MEP1A: variants seen among roughly 807,000 people sequenced by gnomAD.
The protein encoded by MEP1A is N-benzoyl-L-tyrosyl-P-amino-benzoic acid hydrolase subunit alpha.
MEP1A carries 68 observed loss-of-function variants against 84.5 expected under a neutral mutation model. The observed-to-expected ratio is 0.80, with a 90% CI of 0.66 to 0.98. The LOEUF is 0.98. MEP1A is among the 50% of genes least tolerant of loss of function. The pLI is 0.00. For synonymous variants in MEP1A, 337 were observed against 336.8 expected (o/e 1.00, Z -0.01); for missense variants, 887 against 919.9 (o/e 0.96, Z 0.46).
At chr6:46,815,709 A>G (rs890953573) in intron 6 of MEP1A, among the ~76,000 whole-genome samples, 3 of 152,160 alleles carry the variant, frequency 2.0e-5, no homozygotes, top group Non-Finnish European at 4.4e-5. Context: ...CTGCAAGCTA[A>G]TCCTGCCTCT....
At chr6:46,843,143 T>C (rs767722479), downstream of MEP1A, among the ~76,000 whole-genome samples, 2 of 152,208 alleles carry the variant, frequency 1.3e-5, no homozygotes, top group Admixed American at 6.5e-5. Context: ...TGGGTATTCT[T>C]TTCTGTGAGG....
At position 46,838,984 on chromosome 6, in the gene MEP1A, A is replaced by G. The variant is rs145249987; in HGVS notation, c.2089A>G (p.Ile697Val). 6.8e-6 allele frequency: 11 copies of G among 1,611,026 alleles called. No homozygotes were observed. Among genetic ancestry groups the G allele is most frequent in the Non-Finnish European group, 7.6e-6 (9 of 1,177,840 alleles). Residue 697 changes from isoleucine to valine, a missense_variant, in exon 14 of 14, where the codon ATC (isoleucine) becomes GTC (valine). Ile to Val is a conservative substitution (Grantham distance 29, BLOSUM62 3). Coordinates refer to ENST00000230588, the MANE Select transcript of MEP1A (RefSeq NM_005588.3). Reference sequence around the variant, plus strand: ...CTTCATGTCCTTTTCCCTCAGGTGCATCTCTGGACATGCTTTCTTCTACAC... The same window carrying G: ...CTTCATGTCCTTTTCCCTCAGGTGCGTCTCTGGACATGCTTTCTTCTACAC... ...NVKGMASCRC[I>V]SGHAFFYTGE...
chr6:46,809,445 G>C lies in MEP1A; in HGVS notation c.288G>C (p.Leu96=). 5.0e-6 allele frequency: 8 copies of C among 1,608,752 alleles called. No homozygotes were observed. Among genetic ancestry groups the C allele is most frequent in the Non-Finnish European group, 6.8e-6 (8 of 1,176,912 alleles). The change falls in exon 6 of 14, where the codon CTG becomes CTC. Residue 96 remains leucine (L), a synonymous_variant. Transcript: ENST00000230588. ...NLGLNAKGAI[L]YAFEMFRLKS... is the part of the protein sequence containing the mutation. The stretch of plus-strand genomic sequence containing the variant: ...GGCTGAATGCTAAAGGAGCCATTCT[G>C]TATGCCTTTGAGATGTTCCGTCTCA...
chr6:46,796,833 G>A lies in MEP1A; in HGVS notation c.146-1773G>A, dbSNP rs529001304. Among the ~76,000 whole-genome samples, 59 of 152,304 alleles carry A rather than the reference G, an allele frequency of 3.9e-4. 1 individual carries two copies. In the South Asian group the frequency reaches 0.011, roughly 28 times the overall value. On this transcript the variant is annotated intron_variant, in intron 3 of 13. Transcript: ENST00000230588. ...TCAATCCCATTATAATCCAGGCCAGGTGTCAGGAAATACAGATTTTTGCTC... is the reference window on the plus strand; with the variant it reads ...TCAATCCCATTATAATCCAGGCCAGATGTCAGGAAATACAGATTTTTGCTC...
intron 5 of MEP1A, among the ~76,000 whole-genome samples, chr6:46,801,650 T>G (rs2150740941): frequency 6.6e-6 from 1 of 152,228 alleles, no homozygotes. Flanking sequence ...ATTTTTTAAC[T>G]TATGGTTTGT....
chr6:46,807,561 AAAGAAAGGAAGGAAGGAAGG>A (rs1767364559), intron 5 of MEP1A, among the ~76,000 whole-genome samples: 1 of 66,376 alleles, frequency 1.5e-5, no homozygotes, highest in Non-Finnish European at 2.9e-5. Flanking sequence ...AGAAAGAAAG[AAAGAAAGGAAGGAAGGAAGG>A]AAGGAAGGAA....
rs779674492 is a variant in MEP1A, at chr6:46,839,206, A to G, written c.*70A>G. The G allele has an allele frequency of 9.6e-5, 100 of 1,040,230 alleles. No homozygotes were observed. The highest frequency in any genetic ancestry group is 3.4e-4 in the Middle Eastern group (1 of 2,916). The allele number at this position is 1,040,230 out of a possible 1,614,324, so 64.4% of individuals were successfully genotyped here. A position where few individuals can be genotyped will look rare whatever the true frequency, so the allele number is the denominator to read the frequency against. On this transcript the variant is annotated 3_prime_UTR_variant, in exon 14 of 14. Coordinates refer to ENST00000230588, the MANE Select transcript of MEP1A (RefSeq NM_005588.3). ...GCAGGCCTTAACTTTCCCATGGTCA[A>G]TGCAGTTTTTATCAGCCTTGCTTTG...
At chr6:46,842,072 T>A (rs547038966), downstream of MEP1A, among the ~76,000 whole-genome samples, 11 of 152,352 alleles carry the variant, frequency 7.2e-5, no homozygotes, top group South Asian at 2.3e-3. Flanking sequence ...ATCACTTCCC[T>A]AATAATACTC....
downstream of MEP1A, among the ~76,000 whole-genome samples, chr6:46,844,391 A>G (rs1768381033): frequency 6.6e-6 from 1 of 152,060 alleles, no homozygotes; most frequent in Non-Finnish European, 1.5e-5. Flanking sequence ...ATCAGAGTAA[A>G]GACAAGACCC....
intron 5 of MEP1A, among the ~76,000 whole-genome samples, chr6:46,802,080 G>C (rs1767207788): frequency 2.0e-5 from 3 of 151,816 alleles, no homozygotes; most frequent in Non-Finnish European, 2.9e-5. Flanking sequence ...CAGACCTTTT[G>C]CATTTTCATG....
At chr6:46,814,478 T>C (rs1239424585) in intron 6 of MEP1A, among the ~76,000 whole-genome samples, 1 of 152,164 alleles carries the variant, frequency 6.6e-6, no homozygotes, top group African/African-American at 2.4e-5. Context: ...TTTCTTTAAG[T>C]TGGACTTTAC....
chr6:46,828,479 G>A (rs1446888607), intron 9 of MEP1A, among the ~76,000 whole-genome samples: 2 of 152,130 alleles, frequency 1.3e-5, no homozygotes, highest in South Asian at 2.1e-4. Context: ...GAGCAACGCT[G>A]GAGTATCCAG....
chr6:46,815,257 CT>C (rs1767608191), intron 6 of MEP1A, among the ~76,000 whole-genome samples: 1 of 152,120 alleles, frequency 6.6e-6, no homozygotes, highest in Non-Finnish European at 1.5e-5. Flanking sequence ...TTGGGCAGGG[CT>C]TGCTGTGGCT....
intron 9 of MEP1A, among the ~76,000 whole-genome samples, chr6:46,826,878 T>C (rs533095160): frequency 6.6e-6 from 1 of 152,310 alleles, no homozygotes; most frequent in Admixed American, 6.5e-5. Context: ...CACATGGGAC[T>C]TTTAATACCT....
chr6:46,802,503 C>T (rs145793712), intron 5 of MEP1A, among the ~76,000 whole-genome samples: 1 of 151,816 alleles, frequency 6.6e-6, no homozygotes, highest in African/African-American at 2.4e-5. Flanking sequence ...AGTAAAAATT[C>T]TTCTTGCCTT....
At chr6:46,819,829 T>C in intron 7 of MEP1A, 125 bp downstream of exon 7, 5 of 1,050,666 alleles carry the variant, frequency 4.8e-6, no homozygotes, top group South Asian at 1.5e-5. Flanking sequence ...TCTGAAGAGG[T>C]TATGATTTGT....
intron 3 of MEP1A, among the ~76,000 whole-genome samples, chr6:46,798,338 A>G (rs527895460): frequency 6.6e-6 from 1 of 152,300 alleles, no homozygotes; most frequent in African/African-American, 2.4e-5. Flanking sequence ...AGTGATCAGT[A>G]AAATCCCTTC....
intron 13 of MEP1A, among the ~76,000 whole-genome samples, chr6:46,836,353 A>C (rs1159109391): frequency 6.6e-6 from 1 of 152,356 alleles, no homozygotes; most frequent in East Asian, 1.9e-4. Flanking sequence ...GAACAGTAGC[A>C]GATGTAGAAG....
chr6:46,831,800 C>T (rs1443784534), intron 10 of MEP1A, among the ~76,000 whole-genome samples: 1 of 152,210 alleles, frequency 6.6e-6, no homozygotes, highest in Non-Finnish European at 1.5e-5. Flanking sequence ...GCACCTATTA[C>T]CCTTCAAGTC....
Sources: gnomAD v4.1 joint callset for allele counts (sites outside exome capture counted in the v4.1 genomes callset) on GRCh38, gnomAD v4.1.1 for gene constraint, MANE v1.5 for transcripts, NCBI Gene and HGNC (gene_info 2026-07-23, HGNC 2026-07-21) for gene names.